The following CD226 variants were observed in gnomAD, a reference collection of about 807,000 sequenced individuals.
The protein encoded by CD226 is CD226 molecule.
Under a neutral mutation model 34.9 loss-of-function variants are expected in CD226, and 24 were observed. The ratio of observed to expected loss-of-function variants is 0.69; its 90% confidence interval spans 0.50 to 0.97. The LOEUF (loss-of-function observed/expected upper bound fraction) is 0.97. Ranked by LOEUF, CD226 falls within the 50% of genes least tolerant of loss-of-function variation. The pLI, the probability that CD226 is intolerant of heterozygous loss-of-function variation, is 0.00. For synonymous variants in CD226, 148 were observed against 147.4 expected, an observed-to-expected ratio of 1.00 and a Z score of -0.03; for missense variants, 397 against 412.7, an observed-to-expected ratio of 0.96 and a Z score of 0.33.
chr18:69,881,208 G>C (rs1428718696), intron 3 of CD226, among the ~76,000 whole-genome samples: 1 of 152,146 alleles, frequency 6.6e-6, no homozygotes, highest in Non-Finnish European at 1.5e-5. Flanking sequence ...AAAATAAACT[G>C]AAATATTAGA....
chr18:69,949,678 C>G (rs958875459), upstream of CD226, among the ~76,000 whole-genome samples: 1 of 152,084 alleles, frequency 6.6e-6, no homozygotes, highest in African/African-American at 2.4e-5. Flanking sequence ...TGCATGCACT[C>G]ACACACACAT....
chr18:69,889,433 A>G (rs1030622711), intron 3 of CD226, among the ~76,000 whole-genome samples: 2 of 151,882 alleles, frequency 1.3e-5, no homozygotes, highest in Admixed American at 6.6e-5. Context: ...CAAGCTTTAT[A>G]TCTATTCTAA....
chr18:69,869,089 A>G (rs1216638550), intron 4 of CD226, among the ~76,000 whole-genome samples: 15 of 152,250 alleles, frequency 9.9e-5, no homozygotes. Context: ...TGTGGAAGAC[A>G]GTGTGGTGAT....
rs566699183 is a variant in CD226, at chr18:69,879,608, C to T, written c.728-6362G>A. 1.6e-4 allele frequency among the ~76,000 whole-genome samples: 24 copies of T among 152,298 alleles called. No homozygotes were observed. In the South Asian group the frequency reaches 3.9e-3, roughly 25 times the overall value. ...CCAGATTTCATATTGTTCAAACATACATGCTTTACAAACAATTTGTGCAGT... is the reference window on the plus strand; with the variant it reads ...CCAGATTTCATATTGTTCAAACATATATGCTTTACAAACAATTTGTGCAGT... On this transcript the variant is annotated intron_variant, in intron 3 of 5. Transcript: ENST00000582621.
intron 4 of CD226, among the ~76,000 whole-genome samples, chr18:69,868,432 T>G (rs1243843255): frequency 6.6e-6 from 1 of 152,218 alleles, no homozygotes; most frequent in Non-Finnish European, 1.5e-5. Flanking sequence ...TGACTCCAAT[T>G]GTCTCTTCTA....
intron 2 of CD226, among the ~76,000 whole-genome samples, chr18:69,943,681 G>T (rs936248135): frequency 6.6e-6 from 1 of 152,158 alleles, no homozygotes; most frequent in African/African-American, 2.4e-5. Context: ...ACATCAATTT[G>T]CAACTTTATC....
At position 69,856,947 on chromosome 18, in the gene CD226, T is replaced by A. The variant is rs1241736616; in HGVS notation, c.*7367A>T. ...ACGTTGGGAGGCCGAGGCGGGCGGA[T>A]CACGAGGTCAGGAGATCGAGACCAC... On this transcript the variant is annotated 3_prime_UTR_variant, in exon 6 of 6. Transcript: ENST00000582621. The A allele has an allele frequency of 6.6e-6, 1 of 152,174 alleles. No individual in the cohort carries two copies. Among genetic ancestry groups the A allele is most frequent in the Non-Finnish European group, 1.5e-5 (1 of 68,058 alleles). The allele number at this position is 152,174 out of a possible 1,614,324, so 9.4% of individuals were successfully genotyped here.
At chr18:69,926,880 C>G (rs916301146) in intron 2 of CD226, among the ~76,000 whole-genome samples, 3 of 152,168 alleles carry the variant, frequency 2.0e-5, no homozygotes, top group African/African-American at 7.2e-5. Context: ...AGCTCTGTGT[C>G]AACAAATCCT....
At chr18:69,949,764 CCA>C (rs201533414), upstream of CD226, among the ~76,000 whole-genome samples, 1,885 of 152,014 alleles carry the variant, frequency 0.012, 23 homozygotes, top group South Asian at 0.037. Flanking sequence ...ACACATGCAC[CCA>C]CACACACATG....
At chr18:69,905,868 T>C (rs914122975) in intron 2 of CD226, among the ~76,000 whole-genome samples, 3 of 152,204 alleles carry the variant, frequency 2.0e-5, no homozygotes, top group Non-Finnish European at 1.5e-5. Flanking sequence ...GAAGCAGCTA[T>C]TGCCCGACGG....
At chr18:69,898,209 A>G (rs1985410643) in intron 2 of CD226, among the ~76,000 whole-genome samples, 1 of 151,218 alleles carries the variant, frequency 6.6e-6, no homozygotes, top group African/African-American at 2.4e-5. Context: ...AAAAGAAATG[A>G]AAAAAAGGAG....
At chr18:69,873,732 G>A (rs1437934205) in intron 3 of CD226, among the ~76,000 whole-genome samples, 1 of 152,126 alleles carries the variant, frequency 6.6e-6, no homozygotes, top group Admixed American at 6.5e-5. Flanking sequence ...TGATCCCAGT[G>A]TGGTGGTGCA....
At chr18:69,881,862 A>G (rs1023585538) in intron 3 of CD226, among the ~76,000 whole-genome samples, 4 of 152,198 alleles carry the variant, frequency 2.6e-5, no homozygotes, top group Non-Finnish European at 5.9e-5. Context: ...TATGCCTGAA[A>G]TACGCATCAC....
At chr18:69,925,022 T>A (rs1038494137) in intron 2 of CD226, among the ~76,000 whole-genome samples, 1 of 152,222 alleles carries the variant, frequency 6.6e-6, no homozygotes, top group African/African-American at 2.4e-5. Context: ...TATATTACTT[T>A]AAATAAATAA....
In CD226 at chr18:69,927,062, G is replaced by A. The variant is rs564164394; in HGVS notation, c.382+19672C>T. On this transcript the variant is annotated intron_variant, in intron 2 of 5. Transcript: ENST00000582621. ...ATTGAAACCTAATCCCCATTGTGGT[G>A]GTATTAAGAGATGGTGCTTTTGGGG... Among the ~76,000 whole-genome samples, 33 of 152,238 alleles carry A rather than the reference G, an allele frequency of 2.2e-4. No homozygotes were observed. The South Asian group carries it at 3.1e-3, about 14-fold the overall frequency.
At chr18:69,875,941 G>T (rs1983838579) in intron 3 of CD226, among the ~76,000 whole-genome samples, 1 of 152,142 alleles carries the variant, frequency 6.6e-6, no homozygotes, top group Non-Finnish European at 1.5e-5. Context: ...TGGCTAAAGG[G>T]TACCAACTTT....
chr18:69,918,054 C>A (rs1322543057), intron 2 of CD226, among the ~76,000 whole-genome samples: 1 of 152,146 alleles, frequency 6.6e-6, no homozygotes, highest in Non-Finnish European at 1.5e-5. Flanking sequence ...AAGGGCACAG[C>A]CAATTTAGTC....
rs1239554048 is a variant in CD226 at position 69,860,675 on chromosome 18, A to C, written c.*3639T>G. On this transcript the variant is annotated 3_prime_UTR_variant, in exon 6 of 6. Transcript: ENST00000582621. ...AGTCTTGGCTGGAAGAACTCTAATGAACAGATCAGTGAAAAAATATACTTA... is the reference window on the plus strand; with the variant it reads ...AGTCTTGGCTGGAAGAACTCTAATGCACAGATCAGTGAAAAAATATACTTA... 6.6e-6 allele frequency: 1 copy of C among 152,010 alleles called. No individual in the cohort carries two copies. Among genetic ancestry groups the C allele is most frequent in the Non-Finnish European group, 1.5e-5 (1 of 67,990 alleles). 9.4% of individuals were successfully genotyped at this position (152,010 alleles called of 1,614,324 possible). A position where few individuals can be genotyped will look rare whatever the true frequency, so the allele number is the denominator to read the frequency against.
intron 2 of CD226, among the ~76,000 whole-genome samples, chr18:69,925,495 C>G (rs1409663332): frequency 6.6e-6 from 1 of 151,940 alleles, no homozygotes; most frequent in Admixed American, 6.6e-5. Context: ...ACCATATTCC[C>G]CTCTCCAAAC....
Sources: allele counts gnomAD v4.1 joint callset (sites outside exome capture counted in the v4.1 genomes callset), GRCh38; gene constraint gnomAD v4.1.1; transcripts MANE v1.5; gene names NCBI Gene and HGNC (gene_info 2026-07-23, HGNC 2026-07-21).